LRRFIP1: variants seen among roughly 807,000 people sequenced by gnomAD.
LRRFIP1 encodes the protein leucine-rich repeat flightless-interacting protein 1.
In LRRFIP1, 62 loss-of-function variants were observed where a neutral mutation model predicts 104.4. The observed-to-expected ratio is 0.59, with a 90% confidence interval of 0.48 to 0.73. The LOEUF is 0.73. Ranked by LOEUF, LRRFIP1 falls within the 30% of genes least tolerant of loss-of-function variation. The pLI is 0.00. For missense variants in LRRFIP1, 796 were observed against 824.5 expected, an observed-to-expected ratio of 0.97 and a Z score of 0.42; for synonymous variants, 300 against 299.0, an observed-to-expected ratio of 1.00 and a Z score of -0.03.
chr2:237,635,134 C>T (rs780898234), intron 1 of LRRFIP1, among the ~76,000 whole-genome samples: 51 of 152,302 alleles, frequency 3.3e-4, no homozygotes, highest in African/African-American at 1.1e-3. Flanking sequence ...CAGTAGCTTT[C>T]GGAGCAAGAA....
chr2:237,761,787 A>G (rs1460872897), intron 19 of LRRFIP1, among the ~76,000 whole-genome samples: 3 of 152,210 alleles, frequency 2.0e-5, no homozygotes, highest in Admixed American at 2.0e-4. Flanking sequence ...TGGGCTATAA[A>G]ATTATCTAGC....
At position 237,763,880 on chromosome 2, in the gene LRRFIP1, G is replaced by A. The variant is rs115185043; in HGVS notation, c.1459+3675G>A. ...TCCTGCAGAACCAAAGAGCGAAGAC[G>A]CAGATCGCTGCACCCTGCCCGAACA... On this transcript the variant is annotated intron_variant, in intron 19 of 23. Transcript: ENST00000308482. 5.1e-5 allele frequency: 83 copies of A among 1,614,242 alleles called. No individual in the cohort carries two copies. The African/African-American group carries it at 5.3e-4, about 10-fold the overall frequency.
rs2093662277 is a variant in LRRFIP1 at position 237,703,782 on chromosome 2, C to A, written c.97-4762C>A. 6.6e-6 allele frequency among the ~76,000 whole-genome samples: 1 copy of A among 152,046 alleles called. No individual in the cohort carries two copies. Among genetic ancestry groups the A allele is most frequent in the African/African-American group, 2.4e-5 (1 of 41,400 alleles). Reference sequence around the variant, plus strand: ...CCAAACCACATTTCAGAAATCCCTCCCACTGTCTCAAGCAGTGCTGAGACA... The same window carrying A: ...CCAAACCACATTTCAGAAATCCCTCACACTGTCTCAAGCAGTGCTGAGACA... On this transcript the variant is annotated intron_variant, in intron 1 of 23. Coordinates refer to ENST00000308482, the MANE Select transcript of LRRFIP1 (RefSeq NM_001137550.2). This position sits in a 1 kb window ranked among gnomAD's most constrained non-coding sequence, Gnocchi z 4.3.
intron 22 of LRRFIP1, among the ~76,000 whole-genome samples, chr2:237,773,353 C>T (rs2060809365): frequency 6.6e-6 from 1 of 152,130 alleles, no homozygotes; most frequent in Non-Finnish European, 1.5e-5. Flanking sequence ...GCCTGGCCAA[C>T]ATAGTGAAAC....
chr2:237,714,279 A>G lies in LRRFIP1; in HGVS notation c.201+3A>G. On this transcript the variant is annotated splice_donor_region_variant and intron_variant, in intron 3 of 23. Transcript: ENST00000308482. Reference sequence around the variant, plus strand: ...TATAGATCTATCAGGTCCAAAAGGTAGGCTCTTCTTTCTTTATTTTCTAAC... The same window carrying G: ...TATAGATCTATCAGGTCCAAAAGGTGGGCTCTTCTTTCTTTATTTTCTAAC... 6.3e-7 allele frequency: 1 copy of G among 1,599,706 alleles called. No homozygotes were observed. Among genetic ancestry groups the G allele is most frequent in the Non-Finnish European group, 8.5e-7 (1 of 1,170,254 alleles).
At chr2:237,642,551 C>T (rs1010277576) in intron 1 of LRRFIP1, among the ~76,000 whole-genome samples, 1 of 148,388 alleles carries the variant, frequency 6.7e-6, no homozygotes, top group Non-Finnish European at 1.5e-5. Context: ...AGGTTCCAGG[C>T]TCCAGGCTCC....
Position 237,628,487 on chromosome 2 carries a change from T to C in LRRFIP1, c.96+747T>C, listed in dbSNP as rs540921896. Among the ~76,000 whole-genome samples the C allele has an allele frequency of 4.6e-5, 7 of 152,014 alleles. No homozygotes were observed. The South Asian group carries it at 1.5e-3, about 32-fold the overall frequency. The stretch of plus-strand genomic sequence containing the variant: ...CTACCTTAAGGCTAAAGAATGTACA[T>C]GACATCCAGAAAGCCGTACAGGGAC... On this transcript the variant is annotated intron_variant, in intron 1 of 23. Coordinates refer to ENST00000308482, the MANE Select transcript of LRRFIP1 (RefSeq NM_001137550.2).
intron 1 of LRRFIP1, among the ~76,000 whole-genome samples, chr2:237,681,928 C>G (rs536494554): frequency 4.2e-4 from 64 of 152,042 alleles, no homozygotes; most frequent in African/African-American, 1.1e-3. Context: ...ATCCGCCCGC[C>G]TCGGCCTCCC....
chr2:237,675,447 A>T (rs1295471425), intron 1 of LRRFIP1, among the ~76,000 whole-genome samples: 1 of 152,246 alleles, frequency 6.6e-6, no homozygotes, highest in Non-Finnish European at 1.5e-5. Flanking sequence ...TAAAAATATT[A>T]TTCCAAGAAT....
chr2:237,724,672 A>C (rs1475958152), intron 7 of LRRFIP1, among the ~76,000 whole-genome samples: 1 of 152,218 alleles, frequency 6.6e-6, no homozygotes, highest in African/African-American at 2.4e-5. Context: ...CTGTTCTTTA[A>C]GGAATTCAAT....
chr2:237,639,014 G>T (rs539379774), intron 1 of LRRFIP1, among the ~76,000 whole-genome samples: 1 of 152,146 alleles, frequency 6.6e-6, no homozygotes, highest in South Asian at 2.1e-4. Context: ...TTTTTTATCC[G>T]AGAAAGAGGA....
chr2:237,638,337 T>C (rs1362088323), intron 1 of LRRFIP1, among the ~76,000 whole-genome samples: 1 of 152,184 alleles, frequency 6.6e-6, no homozygotes, highest in Non-Finnish European at 1.5e-5. Context: ...AATCTAATGC[T>C]GCTGCTCATC....
chr2:237,725,482 G>GT (rs1261996291), intron 7 of LRRFIP1, among the ~76,000 whole-genome samples: 4 of 152,030 alleles, frequency 2.6e-5, no homozygotes, highest in African/African-American at 9.7e-5. Flanking sequence ...CTTATGCCAC[G>GT]TAAAAACAGC....
In LRRFIP1 at chr2:237,715,841, G is replaced by T. The variant is rs570444479; in HGVS notation, c.201+1565G>T. 1.1e-4 allele frequency among the ~76,000 whole-genome samples: 16 copies of T among 152,342 alleles called. No homozygotes were observed. In the South Asian group the frequency reaches 3.1e-3, roughly 30 times the overall value. ...CCTTCCTGGACTTTGCTGTGCTAGTGCTGCTGGCTAACCCAGGAACTACTA... is the reference window on the plus strand; with the variant it reads ...CCTTCCTGGACTTTGCTGTGCTAGTTCTGCTGGCTAACCCAGGAACTACTA... On this transcript the variant is annotated intron_variant, in intron 3 of 23. Coordinates refer to ENST00000308482, the MANE Select transcript of LRRFIP1 (RefSeq NM_001137550.2).
At chr2:237,667,801 G>A (rs4663779) in intron 1 of LRRFIP1, among the ~76,000 whole-genome samples, 90,266 of 151,892 alleles carry the variant, frequency 0.59, 28,821 homozygotes, top group Middle Eastern at 0.72. Context: ...TTGTGTTCCC[G>A]GCACAGGACT....
At chr2:237,722,996 G>T (rs1425485325) in intron 6 of LRRFIP1, among the ~76,000 whole-genome samples, 1 of 152,084 alleles carries the variant, frequency 6.6e-6, no homozygotes, top group Non-Finnish European at 1.5e-5. Context: ...TTACATTTTT[G>T]ATTGTAAGAT....
chr2:237,648,544 G>A (rs2085352976), intron 1 of LRRFIP1, among the ~76,000 whole-genome samples: 2 of 150,814 alleles, frequency 1.3e-5, no homozygotes, highest in African/African-American at 2.4e-5. Flanking sequence ...CCTGGTCAAC[G>A]TAATGAGACC....
Position 237,651,150 on chromosome 2 carries a change from T to A in LRRFIP1, c.96+23410T>A, listed in dbSNP as rs150489701. 1.6e-4 allele frequency among the ~76,000 whole-genome samples: 25 copies of A among 152,334 alleles called. No individual in the cohort carries two copies. The East Asian group carries it at 4.2e-3, about 26-fold the overall frequency. ...ACATACCCCAAATTAGAGAGGCTAG[T>A]ACGAAGAACACCTATACATCTGTCA... On this transcript the variant is annotated intron_variant, in intron 1 of 23. Transcript: ENST00000308482.
At chr2:237,749,805 T>C (rs1175824796) in intron 13 of LRRFIP1, among the ~76,000 whole-genome samples, 1 of 152,234 alleles carries the variant, frequency 6.6e-6, no homozygotes, top group Non-Finnish European at 1.5e-5. Context: ...TGTATTTTAA[T>C]GATTTTTTTT....
Sources: allele counts gnomAD v4.1 joint callset (sites outside exome capture counted in the v4.1 genomes callset), GRCh38; gene constraint gnomAD v4.1.1; non-coding constraint Gnocchi (gnomAD v3.1); transcripts MANE v1.5; gene names NCBI Gene and HGNC (gene_info 2026-07-23, HGNC 2026-07-21).